TMEM223: variants seen among roughly 807,000 people sequenced by gnomAD.
TMEM223 encodes the protein transmembrane protein 223.
TMEM223 carries 14 observed loss-of-function variants against 14.1 expected under a neutral mutation model. That is an observed-to-expected ratio of 0.99 (90% confidence interval 0.66 to 1.55). The LOEUF is 1.55. Among genes scored for constraint, TMEM223 ranks in the 40% most tolerant of loss-of-function variants. The probability of loss-of-function intolerance (pLI) is 0.00; values close to 1 mark genes in which losing one functional copy is unlikely to be tolerated. For missense variants in TMEM223, 346 were observed against 269.9 expected (o/e 1.28, Z -1.97); for synonymous variants, 145 against 120.5 (o/e 1.20, Z -1.33).
intron 1 of TMEM223, 95 bp downstream of exon 1, chr11:62,791,584 T>A: frequency 7.3e-7 from 1 of 1,376,882 alleles, no homozygotes; most frequent in South Asian, 1.5e-5. Context: ...CCCGCCACTC[T>A]CGGATAGGGA....
At chr11:62,783,411 G>A (rs1163410649), downstream of TMEM223, among the ~76,000 whole-genome samples, 4 of 151,922 alleles carry the variant, frequency 2.6e-5, no homozygotes, top group Non-Finnish European at 5.9e-5. Context: ...GAACCCGGGA[G>A]GCGGAGCTTG....
At chr11:62,787,279 C>G (rs754774722), downstream of TMEM223, 2 of 1,546,712 alleles carry the variant, frequency 1.3e-6, no homozygotes, top group African/African-American at 2.8e-5. Context: ...GGACTACTCG[C>G]TGTACTTGCC....
At chr11:62,789,090 C>A (rs1352745812), downstream of TMEM223, 5 of 1,614,108 alleles carry the variant, frequency 3.1e-6, no homozygotes, top group Non-Finnish European at 4.2e-6. Context: ...CTGGCCTTAT[C>A]CCGTCCCTCA....
At chr11:62,780,521 G>C (rs768775603) in intron 1 of TMEM223, among the ~76,000 whole-genome samples, 2 of 151,724 alleles carry the variant, frequency 1.3e-5, no homozygotes, top group South Asian at 2.1e-4. Context: ...CAAAAAAAAA[G>C]ATCACGCTGC....
In TMEM223 at chr11:62,790,140, G is replaced by T; in HGVS notation, c.*483C>A. ...GGCCCTGTTTATGTTGGGAGTCTTA[G>T]TTTTCCTTTCGTTGGGGGGTGGGGG... On this transcript the variant is annotated 3_prime_UTR_variant, in exon 2 of 2. Transcript: ENST00000307366. 109 of 926,684 alleles carry T rather than the reference G, an allele frequency of 1.2e-4. No individual in the cohort carries two copies. The highest frequency in any genetic ancestry group is 2.3e-4 in the East Asian group (7 of 30,942). 57.4% of individuals were successfully genotyped at this position (926,684 alleles called of 1,614,324 possible).
At chr11:62,786,441 G>A (rs2084276468), downstream of TMEM223, 2 of 1,599,218 alleles carry the variant, frequency 1.3e-6, no homozygotes, top group Admixed American at 3.4e-5. Flanking sequence ...TAGCAGCCAA[G>A]CAGGCTTACT....
chr11:62,781,679 G>T (rs980836767), intron 1 of TMEM223: 28 of 238,782 alleles, frequency 1.2e-4, no homozygotes, highest in Middle Eastern at 1.2e-3. Context: ...AAAAAAAAAA[G>T]TTGGACATTC....
At chr11:62,789,851 C>G, downstream of TMEM223, 3 of 1,599,136 alleles carry the variant, frequency 1.9e-6, no homozygotes, top group Non-Finnish European at 2.6e-6. Flanking sequence ...TTGAAATGGT[C>G]CCACTCCTGA....
chr11:62,784,806 T>C (rs2084258222), downstream of TMEM223, among the ~76,000 whole-genome samples: 1 of 152,218 alleles, frequency 6.6e-6, no homozygotes, highest in Non-Finnish European at 1.5e-5. Flanking sequence ...AAAGCTTTTA[T>C]TGGACTGTAA....
chr11:62,784,778 G>A (rs2084258106), downstream of TMEM223, among the ~76,000 whole-genome samples: 1 of 152,144 alleles, frequency 6.6e-6, no homozygotes, highest in South Asian at 2.1e-4. Flanking sequence ...TCATGGGATA[G>A]TCGTAAAGAA....
At chr11:62,786,616 T>G, downstream of TMEM223, 1 of 1,595,996 alleles carries the variant, frequency 6.3e-7, no homozygotes, top group South Asian at 1.1e-5. Context: ...CGACCTGCCA[T>G]GGGACAGCCT....
downstream of TMEM223, chr11:62,789,377 G>A: frequency 6.2e-7 from 1 of 1,613,878 alleles, no homozygotes; most frequent in South Asian, 1.1e-5. Flanking sequence ...CCTTCGATTT[G>A]GCACCAGGTC....
At chr11:62,779,554 G>A (rs2084211784) in intron 1 of TMEM223, among the ~76,000 whole-genome samples, 1 of 151,974 alleles carries the variant, frequency 6.6e-6, no homozygotes, top group African/African-American at 2.4e-5. Flanking sequence ...TCGAACTCCC[G>A]ACCTCAGGTG....
intron 1 of TMEM223, chr11:62,782,212 C>T (rs140883870): frequency 5.0e-6 from 8 of 1,614,186 alleles, no homozygotes; most frequent in African/African-American, 2.7e-5. Flanking sequence ...GCCCTATGTC[C>T]GCTGTCTGGT....
chr11:62,782,787 T>C, downstream of TMEM223: 1 of 1,613,794 alleles, frequency 6.2e-7, no homozygotes, highest in Non-Finnish European at 8.5e-7. Context: ...CTGCTGCCAC[T>C]ATGGAGCCGT....
At chr11:62,791,204 G>A (rs1173129861) in intron 1 of TMEM223, among the ~76,000 whole-genome samples, 1 of 152,118 alleles carries the variant, frequency 6.6e-6, no homozygotes. Flanking sequence ...CAGAGTGAAG[G>A]GCAGCCCTCA....
In TMEM223 at chr11:62,779,978, T is replaced by TA. The variant is rs1590935179; in HGVS notation, c.315-5314_315-5313insT. On this transcript the variant is annotated intron_variant, in intron 1 of 2. Transcript: ENST00000528367. The stretch of plus-strand genomic sequence containing the variant: ...TATATATATATATATATATATATAT[T>TA]TTTTTTTTTTTTTTTTTTAGAGACA... Among the ~76,000 whole-genome samples the TA allele has an allele frequency of 2.7e-3, 203 of 74,172 alleles. 1 individual carries two copies. Among genetic ancestry groups the TA allele is most frequent in the East Asian group, 0.026 (39 of 1,476 alleles). The allele number at this position is 74,172 out of a possible 152,430, so 48.7% of individuals were successfully genotyped here.
chr11:62,787,864 C>T (rs1053973144), downstream of TMEM223: 1 of 606,468 alleles, frequency 1.6e-6, no homozygotes, highest in African/African-American at 1.8e-5. Context: ...TCCGTTAAAT[C>T]AGAAGCCATT....
chr11:62,788,070 A>AAAGT (rs2084309668), downstream of TMEM223: 1 of 446,238 alleles, frequency 2.2e-6, no homozygotes, highest in Admixed American at 2.4e-5. Flanking sequence ...TAATGCCTAT[A>AAAGT]AAGTAGGCAC....
Sources: allele counts gnomAD v4.1 joint callset (sites outside exome capture counted in the v4.1 genomes callset), GRCh38; gene constraint gnomAD v4.1.1; transcripts MANE v1.5; gene names NCBI Gene and HGNC (gene_info 2026-07-23, HGNC 2026-07-21).